Variants in SORL1 observed in about 807,000 individuals in gnomAD.
SORL1 encodes the protein sortilin-related receptor.
A neutral mutation model predicts 273.7 loss-of-function variants in SORL1; 127 were observed. The observed-to-expected ratio is 0.46, with a 90% CI of 0.40 to 0.54. SORL1 has a LOEUF of 0.54. Ranked by LOEUF, SORL1 falls within the 20% of genes least tolerant of loss-of-function variation. The pLI is 0.00. For missense variants in SORL1, 2,494 were observed against 2,846.1 expected (o/e 0.88, Z 2.81); for synonymous variants, 1,031 against 1,067.4 (o/e 0.97, Z 0.66).
intron 5 of SORL1, among the ~76,000 whole-genome samples, chr11:121,494,295 C>A (rs1199584218): frequency 6.6e-6 from 1 of 152,092 alleles, no homozygotes; most frequent in African/African-American, 2.4e-5. Context: ...TGGGATTTCT[C>A]CCCCTAGGTT....
chr11:121,546,279 G>T (rs115458514), intron 14 of SORL1, among the ~76,000 whole-genome samples: 5 of 152,262 alleles, frequency 3.3e-5, no homozygotes, highest in African/African-American at 1.2e-4. Context: ...TTAGGAGGAG[G>T]CCTTCAGCGG....
chr11:121,631,083 G>A lies in SORL1; in HGVS notation c.*1520G>A, dbSNP rs143120634. ...TAAAACCCCATCCCCGCTTAGGTGC[G>A]AGGCATCACCTTCTCACAAGTGTTT... On this transcript the variant is annotated 3_prime_UTR_variant, in exon 48 of 48. Transcript: ENST00000260197. The A allele has an allele frequency of 2.2e-4, 34 of 153,788 alleles. No individual in the cohort carries two copies. In the East Asian group the frequency reaches 5.5e-3, roughly 25 times the overall value. The allele number at this position is 153,788 out of a possible 1,614,324, so 9.5% of individuals were successfully genotyped here.
At chr11:121,561,895 A>G (rs766263458) in intron 21 of SORL1, among the ~76,000 whole-genome samples, 17 of 152,224 alleles carry the variant, frequency 1.1e-4, no homozygotes, top group Non-Finnish European at 2.1e-4. Context: ...CTCCAAACAC[A>G]GGGCTGGAGA....
intron 6 of SORL1, among the ~76,000 whole-genome samples, chr11:121,512,395 TGTG>T (rs1392429398): frequency 6.6e-6 from 1 of 152,234 alleles, no homozygotes; most frequent in Non-Finnish European, 1.5e-5. Flanking sequence ...TGCAATGTGA[TGTG>T]GTCAACATCA....
intron 41 of SORL1, among the ~76,000 whole-genome samples, chr11:121,617,709 C>T (rs893930716): frequency 5.3e-5 from 8 of 152,190 alleles, no homozygotes; most frequent in Non-Finnish European, 1.0e-4. Flanking sequence ...AAGAAAGCTT[C>T]CTCAGCTCCC....
chr11:121,593,363 T>C (rs990635908), intron 31 of SORL1, among the ~76,000 whole-genome samples: 1 of 152,240 alleles, frequency 6.6e-6, no homozygotes, highest in African/African-American at 2.4e-5. Context: ...CATTTGCCAA[T>C]GCTTTCTGCC....
intron 3 of SORL1, among the ~76,000 whole-genome samples, chr11:121,478,732 CTGTG>C (rs111625058): frequency 4.0e-5 from 6 of 148,360 alleles, no homozygotes; most frequent in South Asian, 4.3e-4. Flanking sequence ...ATGTGGGTAA[CTGTG>C]TGTGTGCTTG....
At chr11:121,502,817 C>T (rs1210740929) in intron 6 of SORL1, among the ~76,000 whole-genome samples, 1 of 151,988 alleles carries the variant, frequency 6.6e-6, no homozygotes, top group Non-Finnish European at 1.5e-5. Context: ...TCTTTTCTGC[C>T]ATTCCGTGGT....
intron 11 of SORL1, among the ~76,000 whole-genome samples, chr11:121,527,263 AT>A (rs967553965): frequency 5.9e-5 from 9 of 151,718 alleles, no homozygotes; most frequent in Admixed American, 3.9e-4. Flanking sequence ...TATTAAAATG[AT>A]TTTTTTCTAT....
At chr11:121,621,664 G>T (rs1333052124) in intron 44 of SORL1, among the ~76,000 whole-genome samples, 2 of 152,238 alleles carry the variant, frequency 1.3e-5, no homozygotes, top group African/African-American at 2.4e-5. Context: ...CTGGGCAGTA[G>T]ATCAAAGGGC....
intron 16 of SORL1, among the ~76,000 whole-genome samples, chr11:121,551,939 AGTGATT>A (rs2134899106): frequency 6.6e-6 from 1 of 152,314 alleles, no homozygotes; most frequent in South Asian, 2.1e-4. Flanking sequence ...GTAGGGTTTG[AGTGATT>A]GCTCTTGAGG....
chr11:121,550,084 A>G lies in SORL1; in HGVS notation c.2176A>G (p.Arg726Gly). The G allele has an allele frequency of 6.2e-7, 1 of 1,613,096 alleles. No individual in the cohort carries two copies. Among genetic ancestry groups the G allele is most frequent in the Non-Finnish European group, 8.5e-7 (1 of 1,179,452 alleles). ...TGTGGGTTCTACTTACAGGAGAACG[A>G]GAGGGTATGTATCACAGAGGTTGCC... ...CPVGSTYRRT[R>G]GYRKISGDTC... is the part of the protein sequence containing the mutation. Residue 726 changes from arginine (R) to glycine (G), a missense_variant, in exon 15 of 48, where the codon AGA (arginine) becomes GGA (glycine). By Grantham distance (125) the Arg-to-Gly change is moderately radical. This residue lies in a region of SORL1 where 710 missense variants were observed against 882.5 expected (regional missense o/e 0.80). Coordinates refer to ENST00000260197, the MANE Select transcript of SORL1 (RefSeq NM_003105.6). The surrounding 1 kb of genome is among the most constrained non-coding windows in gnomAD (Gnocchi z 5.3).
chr11:121,540,763 C>T (rs1332791422), intron 12 of SORL1, among the ~76,000 whole-genome samples: 1 of 152,172 alleles, frequency 6.6e-6, no homozygotes. Context: ...CTTGTTATTT[C>T]ATTAATGAGT....
chr11:121,456,827 A>G (rs1204380655), intron 1 of SORL1, among the ~76,000 whole-genome samples: 2 of 152,192 alleles, frequency 1.3e-5, no homozygotes, highest in African/African-American at 4.8e-5. Flanking sequence ...TAAAGTGTCT[A>G]TTACAGCACA....
intron 47 of SORL1, among the ~76,000 whole-genome samples, chr11:121,628,463 C>G (rs1455744923): frequency 6.6e-6 from 1 of 152,096 alleles, no homozygotes; most frequent in East Asian, 1.9e-4. Context: ...TAATGCTGCC[C>G]TGATCTGACA....
intron 1 of SORL1, among the ~76,000 whole-genome samples, chr11:121,465,426 C>G (rs1356014692): frequency 6.6e-6 from 1 of 152,204 alleles, no homozygotes; most frequent in Admixed American, 6.5e-5. Flanking sequence ...ATCTTTCTAG[C>G]TACCGTCATT....
intron 43 of SORL1, among the ~76,000 whole-genome samples, chr11:121,620,478 C>T (rs549457301): frequency 6.1e-4 from 93 of 152,270 alleles, no homozygotes; most frequent in African/African-American, 2.2e-3. Context: ...TTGCTCTTCC[C>T]TCTCTCCTCT....
intron 21 of SORL1, 182 bp from the exon 22 acceptor site, chr11:121,566,758 C>T (rs1385444635): frequency 5.5e-6 from 3 of 550,348 alleles, no homozygotes; most frequent in Non-Finnish European, 3.2e-6. Context: ...ATGCAAGTCA[C>T]TGGTTATACT....
In SORL1 at chr11:121,589,262, A is replaced by G; in HGVS notation, c.3950A>G (p.Gln1317Arg). ...TGGATGTTTGTTCCCTCTGTAGCCC[A>G]AGATCCTGAGTTCCACAAGGTATGT... The part of the protein sequence containing the change: ...DEDAAFAGCS[Q>R]DPEFHKVCDE... The change falls in exon 29 of 48, where the codon CAA (glutamine) becomes CGA (arginine). Residue 1317 changes from glutamine (Q) to arginine (R), a missense_variant. Physicochemically the swap from Gln to Arg is conservative, Grantham distance 43 (BLOSUM62 1). Transcript: ENST00000260197. 1 of 1,613,046 alleles carries G rather than the reference A, an allele frequency of 6.2e-7. No homozygotes were observed. The highest frequency in any genetic ancestry group is 2.2e-5 in the East Asian group (1 of 44,866).
Sources: gnomAD v4.1 joint callset for allele counts (sites outside exome capture counted in the v4.1 genomes callset) on GRCh38, gnomAD v4.1.1 for gene constraint, gnomAD v4.1.1 regional missense constraint, Gnocchi (gnomAD v3.1) non-coding constraint, MANE v1.5 for transcripts, NCBI Gene and HGNC (gene_info 2026-07-23, HGNC 2026-07-21) for gene names.